THRB: variants seen among roughly 807,000 people sequenced by gnomAD.
THRB encodes nuclear receptor subfamily 1 group A member 2.
Under a neutral mutation model 47.8 loss-of-function variants are expected in THRB, and 12 were observed. The ratio of observed to expected loss-of-function variants is 0.25; its 90% CI spans 0.16 to 0.41. THRB has a LOEUF of 0.41. Ranked by LOEUF, THRB falls within the 10% of genes least tolerant of loss-of-function variation. THRB has a pLI of 1.00. For synonymous variants in THRB, 218 were observed against 212.2 expected (o/e 1.03, Z -0.24); for missense variants, 348 against 589.2 (o/e 0.59, Z 4.24).
chr3:24,480,047 C>T (rs1696132498), intron 1 of THRB, among the ~76,000 whole-genome samples: 1 of 152,220 alleles, frequency 6.6e-6, no homozygotes, highest in Non-Finnish European at 1.5e-5. Flanking sequence ...TGTGACTAAG[C>T]TCCAGGTGCC....
intron 2 of THRB, among the ~76,000 whole-genome samples, chr3:24,313,241 C>T (rs1395251957): frequency 6.6e-6 from 1 of 152,140 alleles, no homozygotes; most frequent in Non-Finnish European, 1.5e-5. Flanking sequence ...TCCTCTCAAC[C>T]ACTCGGGAAA....
At chr3:24,220,457 C>T (rs1234636079) in intron 4 of THRB, among the ~76,000 whole-genome samples, 1 of 152,128 alleles carries the variant, frequency 6.6e-6, no homozygotes, top group Non-Finnish European at 1.5e-5. Context: ...TTCCACCGCA[C>T]TCCAGCCTGG....
intron 3 of THRB, among the ~76,000 whole-genome samples, chr3:24,269,005 C>T (rs2052955078): frequency 6.6e-6 from 1 of 152,274 alleles, no homozygotes; most frequent in African/African-American, 2.4e-5. Flanking sequence ...TGGCCCATGT[C>T]CTCAGGGTAT....
intron 1 of THRB, among the ~76,000 whole-genome samples, chr3:24,483,475 T>A (rs1696784457): frequency 6.6e-6 from 1 of 151,592 alleles, no homozygotes; most frequent in Non-Finnish European, 1.5e-5. Flanking sequence ...TTCTGACATC[T>A]CTATTTTAAA....
intron 5 of THRB, chr3:24,165,057 C>T (rs1441500861): frequency 3.9e-6 from 3 of 761,868 alleles, no homozygotes; most frequent in Non-Finnish European, 7.2e-6. Flanking sequence ...GGCGACTGCA[C>T]TTGAGAAAAA....
intron 5 of THRB, among the ~76,000 whole-genome samples, chr3:24,162,795 C>G (rs373308206): frequency 1.1e-4 from 16 of 151,838 alleles, no homozygotes; most frequent in East Asian, 7.7e-4. Context: ...TGTAGCCTTC[C>G]TTTATTTCAC....
At chr3:24,452,915 G>A (rs751248529) in intron 1 of THRB, among the ~76,000 whole-genome samples, 6 of 151,964 alleles carry the variant, frequency 3.9e-5, no homozygotes, top group Non-Finnish European at 7.4e-5. Flanking sequence ...ATTTCAGTTC[G>A]AATTTGAATA....
At chr3:24,157,540 A>G (rs998557697) in intron 5 of THRB, among the ~76,000 whole-genome samples, 5 of 151,938 alleles carry the variant, frequency 3.3e-5, no homozygotes. Context: ...TTTAACTTTT[A>G]TTTTTTGAGA....
chr3:24,306,169 G>C (rs1049658231), intron 2 of THRB, among the ~76,000 whole-genome samples: 1 of 152,108 alleles, frequency 6.6e-6, no homozygotes, highest in Non-Finnish European at 1.5e-5. Context: ...AGGGCCCGGG[G>C]TTTGCTTTGG....
At chr3:24,165,027 C>T in intron 5 of THRB, 1 of 739,332 alleles carries the variant, frequency 1.4e-6, no homozygotes, top group Non-Finnish European at 2.5e-6. Context: ...TGGTCCCTAC[C>T]TTTTTTTTGA....
intron 1 of THRB, among the ~76,000 whole-genome samples, chr3:24,355,251 C>T (rs1304313722): frequency 6.6e-6 from 1 of 152,096 alleles, no homozygotes; most frequent in African/African-American, 2.4e-5. Flanking sequence ...TAGAAATACA[C>T]ACTGGAGACA....
chr3:24,178,083 T>TG (rs1163848350), intron 5 of THRB, among the ~76,000 whole-genome samples: 8 of 152,304 alleles, frequency 5.3e-5, no homozygotes, highest in African/African-American at 1.9e-4. Context: ...CTTTTTCTTC[T>TG]GACATTCACC....
At chr3:24,123,521 T>G (rs981342212) in intron 10 of THRB, among the ~76,000 whole-genome samples, 8 of 152,088 alleles carry the variant, frequency 5.3e-5, no homozygotes, top group African/African-American at 1.7e-4. Flanking sequence ...AGCGTGGACA[T>G]GCATAGAAGG....
At chr3:24,233,603 G>GAAAGAAAGAAAGAAAA (rs1559684757) in intron 3 of THRB, among the ~76,000 whole-genome samples, 1 of 150,688 alleles carries the variant, frequency 6.6e-6, no homozygotes, top group Non-Finnish European at 1.5e-5. Context: ...AAGAAAGAAA[G>GAAAGAAAGAAAGAAAA]AAAGAAAGAA....
intron 1 of THRB, among the ~76,000 whole-genome samples, chr3:24,488,060 C>A (rs1263744667): frequency 6.6e-6 from 1 of 152,190 alleles, no homozygotes; most frequent in Non-Finnish European, 1.5e-5. Flanking sequence ...GCTACTAACA[C>A]CATGACTATC....
intron 1 of THRB, among the ~76,000 whole-genome samples, chr3:24,383,519 A>G (rs146268673): frequency 6.6e-6 from 1 of 152,276 alleles, no homozygotes; most frequent in African/African-American, 2.4e-5. Flanking sequence ...CAAAACTACT[A>G]CTTTCTTGTT....
intron 1 of THRB, among the ~76,000 whole-genome samples, chr3:24,451,554 CA>C (rs540386526): frequency 7.2e-5 from 11 of 152,236 alleles, no homozygotes; most frequent in Admixed American, 6.5e-4. Context: ...CTTTAGCTTT[CA>C]AAAGTCAGAG....
chr3:24,228,755 A>G (rs956522822), intron 4 of THRB, among the ~76,000 whole-genome samples, 183 bp downstream of exon 4: 1 of 152,148 alleles, frequency 6.6e-6, no homozygotes, highest in Non-Finnish European at 1.5e-5. Flanking sequence ...GTGAGGATGC[A>G]TCTTATATCA....
intron 4 of THRB, among the ~76,000 whole-genome samples, chr3:24,200,645 C>T (rs1022133470): frequency 6.6e-6 from 1 of 152,092 alleles, no homozygotes; most frequent in Non-Finnish European, 1.5e-5. Context: ...TTGTTTGGTA[C>T]CCAGGTGAGA....
Sources: allele counts gnomAD v4.1 joint callset (sites outside exome capture counted in the v4.1 genomes callset), GRCh38; gene constraint gnomAD v4.1.1; transcripts MANE v1.5; gene names NCBI Gene and HGNC (gene_info 2026-07-23, HGNC 2026-07-21).